DNAJC1: variants seen among roughly 807,000 people sequenced by gnomAD.
DNAJC1 encodes the protein DnaJ heat shock protein family (Hsp40) member C1.
Under a neutral mutation model 76.6 loss-of-function variants are expected in DNAJC1, and 58 were observed. That is an observed-to-expected ratio of 0.76 (90% CI 0.61 to 0.94). The LOEUF is 0.94. Ranked by LOEUF, DNAJC1 falls within the 40% of genes least tolerant of loss-of-function variation. DNAJC1 has a pLI of 0.00. For synonymous variants in DNAJC1, 258 were observed against 267.9 expected (o/e 0.96, Z 0.36); for missense variants, 689 against 677.3 (o/e 1.02, Z -0.19).
Position 21,882,316 on chromosome 10 carries a change from C to T in DNAJC1, c.944G>A (p.Trp315Ter). ...CTGTGTTCGGTTCCTGTTTTCCAAC[C>T]AATCATCCATTTGTTCCTCAATTTC... ...IEEIEEQMDD[W>*]LENRNRTQKK... The change falls in exon 8 of 12, where the codon TGG becomes TAG. Residue 315 changes from tryptophan to a stop codon, truncating the protein, a stop_gained. Transcript: ENST00000376980. LOFTEE classifies it high-confidence loss of function. The T allele has an allele frequency of 6.3e-7, 1 of 1,597,844 alleles. No individual in the cohort carries two copies. Among genetic ancestry groups the T allele is most frequent in the Non-Finnish European group, 8.5e-7 (1 of 1,175,944 alleles).
intron 1 of DNAJC1, among the ~76,000 whole-genome samples, chr10:21,971,095 T>C (rs1313869648): frequency 4.6e-5 from 7 of 151,800 alleles, no homozygotes; most frequent in Non-Finnish European, 8.9e-5. Flanking sequence ...CTGAATAAAA[T>C]AGTATTTTAG....
chr10:21,855,721 G>A (rs531811367), intron 8 of DNAJC1, among the ~76,000 whole-genome samples: 70 of 152,228 alleles, frequency 4.6e-4, no homozygotes, highest in African/African-American at 1.5e-3. Flanking sequence ...GGTAGCTGAA[G>A]ATCTAGCAAA....
intron 7 of DNAJC1, among the ~76,000 whole-genome samples, chr10:21,886,687 G>A (rs1362997798): frequency 6.6e-6 from 1 of 152,082 alleles, no homozygotes; most frequent in African/African-American, 2.4e-5. Context: ...ATTAATAAAT[G>A]TGATTCTTCA....
chr10:21,869,215 C>CAAAAAAAAAAAAAAAAA (rs552376355), intron 8 of DNAJC1, among the ~76,000 whole-genome samples: 1 of 94,454 alleles, frequency 1.1e-5, no homozygotes, highest in Non-Finnish European at 2.2e-5. Flanking sequence ...GACCATATCT[C>CAAAAAAAAAAAAAAAAA]AAAAAAAAAA....
At chr10:21,842,040 TGAACAATGA>T (rs1835582739) in intron 8 of DNAJC1, among the ~76,000 whole-genome samples, 1 of 133,310 alleles carries the variant, frequency 7.5e-6, no homozygotes, top group South Asian at 2.3e-4. Flanking sequence ...AGGTGGGAAC[TGAACAATGA>T]GAACACATGG....
intron 6 of DNAJC1, among the ~76,000 whole-genome samples, chr10:21,915,960 T>C (rs544423546): frequency 1.8e-4 from 27 of 150,762 alleles, no homozygotes; most frequent in African/African-American, 6.3e-4. Flanking sequence ...CTGAGCAACA[T>C]GGCAAGACCC....
chr10:21,887,915 G>T (rs1212439852), intron 7 of DNAJC1, among the ~76,000 whole-genome samples: 1 of 152,056 alleles, frequency 6.6e-6, no homozygotes, highest in East Asian at 1.9e-4. Flanking sequence ...CTTCTGCACA[G>T]CATAAAGAAA....
At chr10:21,819,499 T>C (rs190714161) in intron 8 of DNAJC1, among the ~76,000 whole-genome samples, 7 of 152,336 alleles carry the variant, frequency 4.6e-5, no homozygotes, top group Admixed American at 2.0e-4. Flanking sequence ...ACCACTGATA[T>C]AATTTAAATT....
At chr10:22,001,073 A>G (rs908429061) in intron 1 of DNAJC1, among the ~76,000 whole-genome samples, 2 of 152,340 alleles carry the variant, frequency 1.3e-5, no homozygotes. Context: ...TCCCTACTGA[A>G]TTATAAGCTT....
chr10:21,930,550 T>C (rs1376765252), intron 1 of DNAJC1, among the ~76,000 whole-genome samples: 1 of 152,184 alleles, frequency 6.6e-6, no homozygotes, highest in East Asian at 1.9e-4. Context: ...AGGCTTGTCT[T>C]TATAAACCAT....
intron 8 of DNAJC1, among the ~76,000 whole-genome samples, chr10:21,816,007 G>C (rs1280900450): frequency 6.6e-6 from 1 of 151,548 alleles, no homozygotes; most frequent in African/African-American, 2.4e-5. Flanking sequence ...GCCTCCCAAA[G>C]TGCTGGGATT....
At chr10:21,960,178 C>T (rs1006669253) in intron 1 of DNAJC1, among the ~76,000 whole-genome samples, 2 of 152,126 alleles carry the variant, frequency 1.3e-5, no homozygotes, top group Non-Finnish European at 2.9e-5. Context: ...AATGGTTTTC[C>T]ATTTTACTCA....
At position 21,759,518 on chromosome 10, in the gene DNAJC1, G is replaced by A. The variant is rs781405082; in HGVS notation, c.1248C>T (p.Asp416=). The change falls in exon 11 of 12, where the codon GAC becomes GAT. Residue 416 remains aspartate, a synonymous_variant. Coordinates refer to ENST00000376980, the MANE Select transcript of DNAJC1 (RefSeq NM_022365.4). ...CCTCCTCCGCTGCCACCCCCTCTGC[G>A]TCCTCTCGCTGGGTGATCATGTCAT... ...LPDDMITQRE[D]AEGVAAEEEQ... 64 of 1,614,036 alleles carry A rather than the reference G, an allele frequency of 4.0e-5. No homozygotes were observed. The highest frequency in any genetic ancestry group is 5.0e-5 in the Admixed American group (3 of 60,002).
chr10:21,956,254 C>G (rs1055276914), intron 1 of DNAJC1, among the ~76,000 whole-genome samples: 7 of 152,116 alleles, frequency 4.6e-5, no homozygotes, highest in Non-Finnish European at 7.4e-5. Flanking sequence ...AACCATCTCC[C>G]ACCATAACTG....
At chr10:21,959,419 C>T (rs1837748692) in intron 1 of DNAJC1, among the ~76,000 whole-genome samples, 1 of 152,032 alleles carries the variant, frequency 6.6e-6, no homozygotes, top group Non-Finnish European at 1.5e-5. Flanking sequence ...TGAGCTACTG[C>T]GCCCAGCCAC....
chr10:21,854,809 G>A (rs759249604), intron 8 of DNAJC1, among the ~76,000 whole-genome samples: 19 of 152,000 alleles, frequency 1.3e-4, no homozygotes, highest in Non-Finnish European at 2.2e-4. Context: ...TTATCTTGGC[G>A]TTTTAAAAAT....
intron 8 of DNAJC1, among the ~76,000 whole-genome samples, chr10:21,827,894 G>A (rs915716761): frequency 2.0e-5 from 3 of 152,112 alleles, no homozygotes; most frequent in Non-Finnish European, 2.9e-5. Context: ...CTAGCATGCT[G>A]CAATGAACAT....
intron 7 of DNAJC1, among the ~76,000 whole-genome samples, chr10:21,882,989 G>A (rs1156980074): frequency 6.6e-6 from 1 of 152,004 alleles, no homozygotes; most frequent in East Asian, 1.9e-4. Context: ...GTGGTTCACG[G>A]CTCTAATCCC....
chr10:21,906,446 C>A (rs1329013530), intron 6 of DNAJC1, among the ~76,000 whole-genome samples: 8 of 152,038 alleles, frequency 5.3e-5, no homozygotes, highest in Admixed American at 3.3e-4. Flanking sequence ...AATGAATGAG[C>A]TTATTAGCTT....
Sources: allele counts gnomAD v4.1 joint callset (sites outside exome capture counted in the v4.1 genomes callset), GRCh38; gene constraint gnomAD v4.1.1; transcripts MANE v1.5; gene names NCBI Gene and HGNC (gene_info 2026-07-23, HGNC 2026-07-21).